Variants in ENAH observed in about 807,000 individuals in gnomAD.
ENAH encodes the protein ENAH actin regulator, also known as protein enabled homolog.
Under a neutral mutation model 78.7 loss-of-function variants are expected in ENAH, and 23 were observed. The ratio of observed to expected loss-of-function variants is 0.29; its 90% CI spans 0.21 to 0.41. The LOEUF is 0.41. ENAH is among the 10% of genes least tolerant of loss of function. The pLI is 1.00. For missense variants in ENAH, 544 were observed against 691.0 expected, an observed-to-expected ratio of 0.79 and a Z score of 2.39; for synonymous variants, 226 against 241.0, an observed-to-expected ratio of 0.94 and a Z score of 0.58.
intron 2 of ENAH, 49 bp downstream of exon 2, chr1:225,567,200 C>T: frequency 6.3e-7 from 1 of 1,583,812 alleles, no homozygotes; most frequent in Non-Finnish European, 8.6e-7. Flanking sequence ...ATGCCAAGTC[C>T]TTTTGTAATA....
intron 2 of ENAH, among the ~76,000 whole-genome samples, chr1:225,556,093 T>C (rs1455220794): frequency 6.6e-6 from 1 of 152,226 alleles, no homozygotes; most frequent in African/African-American, 2.4e-5. Flanking sequence ...GTATAAATCA[T>C]ATTTATTTAA....
rs752823481 is a variant in ENAH at position 225,495,337 on chromosome 1, T to C, written c.*2438A>G. 6.6e-6 allele frequency: 1 copy of C among 152,540 alleles called. No homozygotes were observed. Among genetic ancestry groups the C allele is most frequent in the Non-Finnish European group, 1.5e-5 (1 of 68,012 alleles). 9.4% of individuals were successfully genotyped at this position (152,540 alleles called of 1,614,324 possible). A position where few individuals can be genotyped will look rare whatever the true frequency, so the allele number is the denominator to read the frequency against. Reference sequence around the variant, plus strand: ...GTTTCCCATTTTAATTACTGAAATCTCTAATAATGACACAACTGTCATGTA... The same window carrying C: ...GTTTCCCATTTTAATTACTGAAATCCCTAATAATGACACAACTGTCATGTA... On this transcript the variant is annotated 3_prime_UTR_variant, in exon 14 of 14. Transcript: ENST00000366843.
chr1:225,632,480 A>C (rs1659269354), intron 1 of ENAH, among the ~76,000 whole-genome samples: 1 of 149,806 alleles, frequency 6.7e-6, no homozygotes, highest in Non-Finnish European at 1.5e-5. Flanking sequence ...CCTGGGTGAC[A>C]CAGCGAGACT....
chr1:225,519,734 CAAATGA>C (rs2096453143), intron 4 of ENAH, among the ~76,000 whole-genome samples, 169 bp from the exon 5 acceptor site: 1 of 152,192 alleles, frequency 6.6e-6, no homozygotes, highest in South Asian at 2.1e-4. Flanking sequence ...CTGTTTCATA[CAAATGA>C]AAATCATTTC....
At position 225,503,118 on chromosome 1, in the gene ENAH, T is replaced by TCAC. The variant is rs529526249; in HGVS notation, c.1539-2051_1539-2049dup. The stretch of plus-strand genomic sequence containing the variant: ...TTAATTCATGCTAACATGCAATCCA[T>TCAC]CACCACCACCACCACCATGATAATT... On this transcript the variant is annotated intron_variant, in intron 11 of 13. Coordinates refer to ENST00000366843, the MANE Select transcript of ENAH (RefSeq NM_018212.6). Among the ~76,000 whole-genome samples, 256 of 152,184 alleles carry TCAC rather than the reference T, an allele frequency of 1.7e-3. 1 individual carries two copies. Among genetic ancestry groups the TCAC allele is most frequent in the African/African-American group, 5.7e-3 (235 of 41,526 alleles).
rs183443057 is a variant in ENAH, at chr1:225,634,618, C to T, written c.5+18068G>A. ...TGTTTTAAGAAAAAAACACTAAACT[C>T]TCTTTGAAAAGACCTGCGAATATCA... is the stretch of plus-strand genomic sequence containing the variant. On this transcript the variant is annotated intron_variant, in intron 1 of 13. Transcript: ENST00000366843. Among the ~76,000 whole-genome samples the T allele has an allele frequency of 2.0e-4, 31 of 152,294 alleles. No homozygotes were observed. The East Asian group carries it at 4.6e-3, about 23-fold the overall frequency.
chr1:225,608,017 A>G (rs2096965438), intron 1 of ENAH, among the ~76,000 whole-genome samples: 1 of 152,170 alleles, frequency 6.6e-6, no homozygotes, highest in South Asian at 2.1e-4. Context: ...TTAATTTGAA[A>G]GATAGGAATC....
chr1:225,641,808 G>A (rs111422859), intron 1 of ENAH, among the ~76,000 whole-genome samples: 11,746 of 152,042 alleles, frequency 0.077, 1,528 homozygotes, highest in African/African-American at 0.27. Context: ...ATCACCTGAG[G>A]TCAGGAGTTC....
intron 3 of ENAH, among the ~76,000 whole-genome samples, chr1:225,545,567 T>C (rs1294761151): frequency 6.6e-6 from 1 of 152,230 alleles, no homozygotes; most frequent in Non-Finnish European, 1.5e-5. Flanking sequence ...ACAAAAATAT[T>C]AAGTGATTAG....
chr1:225,548,144 T>C (rs1231160129), intron 3 of ENAH, among the ~76,000 whole-genome samples: 1 of 150,994 alleles, frequency 6.6e-6, no homozygotes, highest in Non-Finnish European at 1.5e-5. Flanking sequence ...AAGCAGATGT[T>C]GGAGAAAATT....
chr1:225,599,777 C>T (rs1329858480), intron 1 of ENAH, among the ~76,000 whole-genome samples: 1 of 133,480 alleles, frequency 7.5e-6, no homozygotes. Context: ...GCCTGGGCGA[C>T]AGGGCCGAGA....
intron 1 of ENAH, among the ~76,000 whole-genome samples, chr1:225,624,787 A>C (rs1434036048): frequency 6.6e-6 from 1 of 152,158 alleles, no homozygotes. Context: ...GGGGATGAAG[A>C]AGCCCAGATT....
At chr1:225,506,256 C>T (rs1453420926) in intron 11 of ENAH, among the ~76,000 whole-genome samples, 1 of 152,194 alleles carries the variant, frequency 6.6e-6, no homozygotes, top group Admixed American at 6.5e-5. Flanking sequence ...AGCGCGATAT[C>T]AGCTCACTGC....
intron 3 of ENAH, among the ~76,000 whole-genome samples, chr1:225,543,018 TA>T (rs74643486): frequency 5.3e-3 from 715 of 134,114 alleles, no homozygotes; most frequent in Middle Eastern, 7.5e-3. Flanking sequence ...GACTCTCTCT[TA>T]AAAAAAAAAA....
At chr1:225,607,707 AATG>A (rs2096963985) in intron 1 of ENAH, among the ~76,000 whole-genome samples, 1 of 152,122 alleles carries the variant, frequency 6.6e-6, no homozygotes. Flanking sequence ...CTAAATACTG[AATG>A]ATAACTTACC....
chr1:225,621,743 T>A (rs1294115696), intron 1 of ENAH, among the ~76,000 whole-genome samples: 3 of 152,140 alleles, frequency 2.0e-5, no homozygotes, highest in African/African-American at 7.2e-5. Context: ...TCTAACTGAA[T>A]AAATCCCAAG....
chr1:225,606,967 G>A (rs989067831), intron 1 of ENAH, among the ~76,000 whole-genome samples: 1 of 151,562 alleles, frequency 6.6e-6, no homozygotes, highest in Non-Finnish European at 1.5e-5. Flanking sequence ...TAATGCAGCT[G>A]AGAGTGCCAG....
chr1:225,648,226 T>G (rs1365837398), intron 1 of ENAH, among the ~76,000 whole-genome samples: 1 of 152,186 alleles, frequency 6.6e-6, no homozygotes, highest in Non-Finnish European at 1.5e-5. Context: ...AAAAGACAAC[T>G]TTAAGTTGGC....
rs1223379886 is a variant in ENAH at position 225,496,695 on chromosome 1, A to G, written c.*1080T>C. On this transcript the variant is annotated 3_prime_UTR_variant, in exon 14 of 14. Transcript: ENST00000366843. ...AAGATTAAGTACTTGGTTTTGTAAC[A>G]TATTTACCAATTAAAGTCACAAAAT... 1 of 152,650 alleles carries G rather than the reference A, an allele frequency of 6.6e-6. No homozygotes were observed. The highest frequency in any genetic ancestry group is 2.4e-5 in the African/African-American group (1 of 41,468). 9.5% of individuals were successfully genotyped at this position (152,650 alleles called of 1,614,324 possible).
Sources: allele counts gnomAD v4.1 joint callset (sites outside exome capture counted in the v4.1 genomes callset), GRCh38; gene constraint gnomAD v4.1.1; transcripts MANE v1.5; gene names NCBI Gene and HGNC (gene_info 2026-07-23, HGNC 2026-07-21).